The following PRKG2 variants were observed in gnomAD, a reference collection of about 807,000 sequenced individuals.
PRKG2 encodes the protein protein kinase cGMP-dependent 2.
PRKG2 carries 33 observed loss-of-function variants against 97.2 expected under a neutral mutation model. The observed-to-expected ratio is 0.34, with a 90% confidence interval of 0.26 to 0.45. PRKG2 has a LOEUF of 0.45. Among genes scored for constraint, PRKG2 ranks in the 20% least tolerant of loss-of-function variants. PRKG2 has a pLI of 1.00. For missense variants in PRKG2, 638 were observed against 900.0 expected, an observed-to-expected ratio of 0.71 and a Z score of 3.73; for synonymous variants, 330 against 321.8, an observed-to-expected ratio of 1.03 and a Z score of -0.27.
chr4:81,144,334 AATAG>A lies in PRKG2; in HGVS notation c.1155-8_1155-5del, dbSNP rs1205430964. On this transcript the variant is annotated splice_region_variant and splice_polypyrimidine_tract_variant and intron_variant, in intron 9 of 18. Coordinates refer to ENST00000264399, the MANE Select transcript of PRKG2 (RefSeq NM_006259.3). ...ACCGACAGTTTGGTTGAATGTTCTAAATAGATAGAATAAAGTAAAATGCTCCGTG... is the reference window on the plus strand; with the variant it reads ...ACCGACAGTTTGGTTGAATGTTCTAAATAGAATAAAGTAAAATGCTCCGTG... The A allele has an allele frequency of 1.0e-5, 16 of 1,594,420 alleles. No homozygotes were observed. The highest frequency in any genetic ancestry group is 2.7e-5 in the African/African-American group (2 of 74,436).
chr4:81,138,682 A>T (rs1382058606), intron 12 of PRKG2, among the ~76,000 whole-genome samples: 1 of 151,718 alleles, frequency 6.6e-6, no homozygotes, highest in Non-Finnish European at 1.5e-5. Context: ...TTTCTCAATA[A>T]ATGTTGTCAT....
At chr4:81,139,951 G>A (rs1471934492) in intron 12 of PRKG2, among the ~76,000 whole-genome samples, 2 of 152,036 alleles carry the variant, frequency 1.3e-5, no homozygotes, top group East Asian at 1.9e-4. Flanking sequence ...AACAAGAGCC[G>A]AGTACTACTC....
chr4:81,144,801 C>T (rs1747696865), intron 9 of PRKG2, among the ~76,000 whole-genome samples: 1 of 132,566 alleles, frequency 7.5e-6, no homozygotes, highest in Non-Finnish European at 1.5e-5. Context: ...TGTTCCCCTT[C>T]CTGTGTCCAA....
Position 81,113,328 on chromosome 4 carries a change from A to T in PRKG2, c.1777-2717T>A, listed in dbSNP as rs556541440. The stretch of plus-strand genomic sequence containing the variant: ...ATAGACACCCTCCCCTTTTTTTTCA[A>T]ATTCTACTAACAAAACTGAGGTTTC... On this transcript the variant is annotated intron_variant, in intron 14 of 18. Transcript: ENST00000264399. Among the ~76,000 whole-genome samples, 13 of 151,988 alleles carry T rather than the reference A, an allele frequency of 8.6e-5. No homozygotes were observed. The East Asian group carries it at 2.5e-3, about 29-fold the overall frequency.
chr4:81,140,205 A>G (rs546525067), intron 12 of PRKG2, among the ~76,000 whole-genome samples: 117 of 152,188 alleles, frequency 7.7e-4, no homozygotes, highest in Non-Finnish European at 1.6e-3. Context: ...GGTACAAAAT[A>G]AAATAGAAAG....
chr4:81,199,240 C>T (rs915722918), intron 2 of PRKG2, among the ~76,000 whole-genome samples: 4 of 152,078 alleles, frequency 2.6e-5, no homozygotes, highest in Non-Finnish European at 2.9e-5. Flanking sequence ...CAAAAGTTCC[C>T]ACTCCTGCAA....
At chr4:81,130,198 T>G (rs1403051295) in intron 14 of PRKG2, among the ~76,000 whole-genome samples, 1 of 152,200 alleles carries the variant, frequency 6.6e-6, no homozygotes, top group Admixed American at 6.5e-5. Context: ...AAGTCCTTTT[T>G]GTTGATGTTG....
At chr4:81,135,633 A>G (rs1746606945) in intron 13 of PRKG2, among the ~76,000 whole-genome samples, 1 of 152,180 alleles carries the variant, frequency 6.6e-6, no homozygotes, top group Non-Finnish European at 1.5e-5. Context: ...ATGCTACTAT[A>G]GTGGAGAGCT....
chr4:81,203,654 T>A (rs1360931840), intron 2 of PRKG2, among the ~76,000 whole-genome samples: 1 of 152,242 alleles, frequency 6.6e-6, no homozygotes, highest in East Asian at 1.9e-4. Flanking sequence ...TAATGATGTT[T>A]CTAATGAGTC....
intron 1 of PRKG2, among the ~76,000 whole-genome samples, chr4:81,205,772 A>G (rs1578525969): frequency 6.6e-6 from 1 of 152,284 alleles, no homozygotes; most frequent in Non-Finnish European, 1.5e-5. Flanking sequence ...TTTTCCTATT[A>G]AGAATGTCCT....
rs1741685307 is a variant in PRKG2, at chr4:81,092,524, G to GGAAGGAAGGA, written c.2127-73_2127-72insTCCTTCCTTC. 4 of 917,792 alleles carry GGAAGGAAGGA rather than the reference G, an allele frequency of 4.4e-6. No homozygotes were observed. In the South Asian group the frequency reaches 4.5e-5, roughly 10 times the overall value. 56.9% of individuals were successfully genotyped at this position (917,792 alleles called of 1,614,324 possible). ...AGGAAGGAAGGAAGGGAGAAAGAAAGAGACGACAAAAAGGAATATTACTTG... is the reference window on the plus strand; with the variant it reads ...AGGAAGGAAGGAAGGGAGAAAGAAAGGAAGGAAGGAAGACGACAAAAAGGAATATTACTTG... On this transcript the variant is annotated intron_variant, in intron 17 of 18. Coordinates refer to ENST00000264399, the MANE Select transcript of PRKG2 (RefSeq NM_006259.3).
In PRKG2 at chr4:81,089,941, C is replaced by G. The variant is rs955506635; in HGVS notation, c.2194-138G>C. 3 of 676,784 alleles carry G rather than the reference C, an allele frequency of 4.4e-6. No homozygotes were observed. The African/African-American group carries it at 5.5e-5, about 12-fold the overall frequency. 41.9% of individuals were successfully genotyped at this position (676,784 alleles called of 1,614,324 possible). A position where few individuals can be genotyped will look rare whatever the true frequency, so the allele number is the denominator to read the frequency against. On this transcript the variant is annotated intron_variant, in intron 18 of 18. Coordinates refer to ENST00000264399, the MANE Select transcript of PRKG2 (RefSeq NM_006259.3). ...AAGTTACATACAAGAAAAAAATGAC[C>G]AATTATCATTCTTGAGTCCTAGTCT... is the stretch of plus-strand genomic sequence containing the variant.
At chr4:81,163,941 T>C (rs1749779602) in intron 6 of PRKG2, among the ~76,000 whole-genome samples, 1 of 151,462 alleles carries the variant, frequency 6.6e-6, no homozygotes, top group Non-Finnish European at 1.5e-5. Flanking sequence ...AGTGTGTCGG[T>C]TAAAAAATTG....
chr4:81,147,463 T>C (rs1747967299), intron 9 of PRKG2, among the ~76,000 whole-genome samples: 1 of 152,210 alleles, frequency 6.6e-6, no homozygotes. Context: ...TCTAGTCCTA[T>C]GTTTTTGCTT....
chr4:81,094,892 A>G (rs1333220251), intron 17 of PRKG2, among the ~76,000 whole-genome samples: 2 of 152,200 alleles, frequency 1.3e-5, no homozygotes, highest in Admixed American at 6.5e-5. Flanking sequence ...AAGAATCAGA[A>G]AGCTCTAAGT....
intron 6 of PRKG2, among the ~76,000 whole-genome samples, chr4:81,158,265 A>C (rs1749285652): frequency 1.3e-5 from 2 of 150,648 alleles, no homozygotes; most frequent in Non-Finnish European, 2.9e-5. Context: ...CAAAAATCAC[A>C]AGCATTCTTA....
chr4:81,117,426 T>C (rs919797237), intron 14 of PRKG2, among the ~76,000 whole-genome samples: 3 of 152,180 alleles, frequency 2.0e-5, no homozygotes, highest in Non-Finnish European at 4.4e-5. Flanking sequence ...GAAGTACTTA[T>C]ACCACTGACT....
chr4:81,135,392 A>G, intron 13 of PRKG2, 96 bp from the exon 14 acceptor site: 1 of 1,278,116 alleles, frequency 7.8e-7, no homozygotes, highest in East Asian at 2.5e-5. Context: ...AGGTTTATGC[A>G]ATATAAATAT....
At chr4:81,157,625 C>A (rs1287464756) in intron 6 of PRKG2, among the ~76,000 whole-genome samples, 7 of 151,874 alleles carry the variant, frequency 4.6e-5, no homozygotes, top group East Asian at 1.9e-4. Context: ...GAGACACAAC[C>A]AAAAAAGAGA....
Sources: allele counts gnomAD v4.1 joint callset (sites outside exome capture counted in the v4.1 genomes callset), GRCh38; gene constraint gnomAD v4.1.1; transcripts MANE v1.5; gene names NCBI Gene and HGNC (gene_info 2026-07-23, HGNC 2026-07-21).